The following SHISAL2A variants were observed in gnomAD, a reference collection of about 807,000 sequenced individuals.
The protein encoded by SHISAL2A is protein shisa-like-2A.
SHISAL2A carries 18 observed loss-of-function variants against 11.5 expected under a neutral mutation model. The observed-to-expected ratio is 1.57, with a 90% CI of 1.08 to 2.33. The LOEUF is 2.33. SHISAL2A is among the 30% of genes most tolerant of loss of function. The probability of loss-of-function intolerance (pLI) is 0.00; values close to 1 mark genes in which losing one functional copy is unlikely to be tolerated. For missense variants in SHISAL2A, 261 were observed against 250.9 expected, an observed-to-expected ratio of 1.04 and a Z score of -0.27; for synonymous variants, 94 against 99.6, an observed-to-expected ratio of 0.94 and a Z score of 0.34.
chr1:52,637,572 A>G (rs753734187), intron 1 of SHISAL2A, among the ~76,000 whole-genome samples: 9 of 152,128 alleles, frequency 5.9e-5, no homozygotes, highest in Admixed American at 1.3e-4. Context: ...CTCCTCCATC[A>G]CTAGTTCTGT....
chr1:52,659,712 G>A (rs1165241341), downstream of SHISAL2A: 1 of 152,256 alleles, frequency 6.6e-6, no homozygotes, highest in African/African-American at 2.4e-5. Flanking sequence ...ATATGTGGTG[G>A]GGCTGGGTGA....
intron 2 of SHISAL2A, among the ~76,000 whole-genome samples, chr1:52,644,034 C>A (rs1315649753): frequency 1.3e-5 from 2 of 152,062 alleles, no homozygotes; most frequent in Non-Finnish European, 2.9e-5. Context: ...TTATTAAATC[C>A]ATTTTACAGA....
At chr1:52,639,524 C>T (rs1265322160) in intron 1 of SHISAL2A, among the ~76,000 whole-genome samples, 6 of 152,006 alleles carry the variant, frequency 3.9e-5, no homozygotes, top group African/African-American at 7.2e-5. Context: ...GAGGCCGAGG[C>T]GGGCGGATCA....
intron 4 of SHISAL2A, among the ~76,000 whole-genome samples, chr1:52,665,976 G>A (rs545654423): frequency 1.3e-5 from 2 of 152,322 alleles, no homozygotes; most frequent in South Asian, 2.1e-4. Flanking sequence ...CTGGGCTGTG[G>A]ACTTGAGACC....
chr1:52,666,297 C>G (rs1692012887), intron 4 of SHISAL2A, among the ~76,000 whole-genome samples: 1 of 151,990 alleles, frequency 6.6e-6, no homozygotes, highest in Non-Finnish European at 1.5e-5. Flanking sequence ...ACTAAAAGTA[C>G]AAAAATTAGC....
At chr1:52,636,744 A>T (rs1011339664) in intron 1 of SHISAL2A, among the ~76,000 whole-genome samples, 8 of 152,228 alleles carry the variant, frequency 5.3e-5, no homozygotes, top group African/African-American at 1.9e-4. Context: ...AACTTGAGAA[A>T]GGTTAAGTTA....
intron 2 of SHISAL2A, among the ~76,000 whole-genome samples, chr1:52,646,869 G>A (rs369274036): frequency 4.6e-5 from 7 of 151,858 alleles, no homozygotes; most frequent in Admixed American, 2.0e-4. Context: ...TTGCTCTGTC[G>A]CCCAGGCTAG....
At chr1:52,635,547 T>G (rs1691219937) in intron 1 of SHISAL2A, among the ~76,000 whole-genome samples, 1 of 152,106 alleles carries the variant, frequency 6.6e-6, no homozygotes, top group South Asian at 2.1e-4. Flanking sequence ...TTTATTGGTA[T>G]GGGTTACTGG....
downstream of SHISAL2A, among the ~76,000 whole-genome samples, chr1:52,662,043 AAAT>A (rs1299018110): frequency 9.9e-5 from 15 of 152,056 alleles, no homozygotes; most frequent in Admixed American, 9.2e-4. Flanking sequence ...AAAAAAAAAA[AAAT>A]AATAATAATC....
intron 2 of SHISAL2A, among the ~76,000 whole-genome samples, chr1:52,647,009 T>C (rs1369469350): frequency 6.6e-6 from 1 of 152,094 alleles, no homozygotes; most frequent in Non-Finnish European, 1.5e-5. Context: ...TTTTTTTGTA[T>C]TTTTAGTAGA....
At chr1:52,660,829 C>A (rs186019934), downstream of SHISAL2A, among the ~76,000 whole-genome samples, 72 of 152,300 alleles carry the variant, frequency 4.7e-4, no homozygotes, top group Admixed American at 1.8e-3. Context: ...AGAATCTTGG[C>A]TAAATGAGGT....
downstream of SHISAL2A, among the ~76,000 whole-genome samples, chr1:52,658,062 C>T (rs1277980561): frequency 6.7e-5 from 10 of 150,208 alleles, no homozygotes; most frequent in African/African-American, 2.2e-4. Flanking sequence ...TTTTTTGAGA[C>T]GGAGTTTTGC....
intron 2 of SHISAL2A, among the ~76,000 whole-genome samples, chr1:52,656,018 A>G (rs1394694940): frequency 6.6e-6 from 1 of 152,220 alleles, no homozygotes; most frequent in African/African-American, 2.4e-5. Flanking sequence ...GCCGAGGTAG[A>G]AGGTGTGAGA....
chr1:52,656,740 T>A, intron 2 of SHISAL2A, 50 bp from the exon 3 acceptor site: 3 of 1,555,534 alleles, frequency 1.9e-6, no homozygotes, highest in Middle Eastern at 3.5e-4. Context: ...GGGAGTGTGA[T>A]CCTGTTGGGG....
chr1:52,651,722 T>C (rs187074092), intron 2 of SHISAL2A, among the ~76,000 whole-genome samples: 1 of 152,270 alleles, frequency 6.6e-6, no homozygotes, highest in African/African-American at 2.4e-5. Flanking sequence ...TGAGCTAGAA[T>C]TATATCAGTT....
chr1:52,650,324 T>C (rs1571692159), intron 2 of SHISAL2A, among the ~76,000 whole-genome samples: 1 of 151,886 alleles, frequency 6.6e-6, no homozygotes. Context: ...GCCACGGAGG[T>C]CCTTGGAGAA....
At chr1:52,666,154 C>A (rs1692008118) in intron 4 of SHISAL2A, among the ~76,000 whole-genome samples, 1 of 152,148 alleles carries the variant, frequency 6.6e-6, no homozygotes, top group African/African-American at 2.4e-5. Context: ...AAAGTGATAT[C>A]TAAATGCAGT....
At chr1:52,635,894 A>T (rs188902232) in intron 1 of SHISAL2A, among the ~76,000 whole-genome samples, 51 of 152,236 alleles carry the variant, frequency 3.4e-4, no homozygotes, top group African/African-American at 1.2e-3. Flanking sequence ...TAGACACAAG[A>T]TGGAGTCAGC....
chr1:52,646,342 T>G (rs541928659), intron 2 of SHISAL2A, among the ~76,000 whole-genome samples: 1 of 152,046 alleles, frequency 6.6e-6, no homozygotes, highest in Non-Finnish European at 1.5e-5. Context: ...AATAAAAATA[T>G]AGGAATTTGT....
Sources: allele counts gnomAD v4.1 joint callset (sites outside exome capture counted in the v4.1 genomes callset), GRCh38; gene constraint gnomAD v4.1.1; transcripts MANE v1.5; gene names NCBI Gene and HGNC (gene_info 2026-07-23, HGNC 2026-07-21).